The following EIF4G3 variants were observed in gnomAD, a reference collection of about 807,000 sequenced individuals.
EIF4G3 encodes eIF-4-gamma 3.
EIF4G3 carries 34 observed loss-of-function variants against 186.4 expected under a neutral mutation model. The ratio of observed to expected loss-of-function variants is 0.18; its 90% confidence interval spans 0.14 to 0.24. EIF4G3 has a LOEUF of 0.24. Among genes scored for constraint, EIF4G3 ranks in the 10% least tolerant of loss-of-function variants. The pLI is 1.00. For missense variants in EIF4G3, 1,536 were observed against 1,948.5 expected (o/e 0.79, Z 3.99); for synonymous variants, 673 against 679.5 (o/e 0.99, Z 0.15).
chr1:20,994,256 G>A (rs919896049), intron 7 of EIF4G3, among the ~76,000 whole-genome samples: 2 of 152,182 alleles, frequency 1.3e-5, no homozygotes, highest in East Asian at 3.9e-4. Context: ...TCCTGTGGAT[G>A]CAAAATAGCA....
intron 2 of EIF4G3, among the ~76,000 whole-genome samples, chr1:21,106,712 C>T (rs1487049152): frequency 6.6e-6 from 1 of 151,786 alleles, no homozygotes; most frequent in African/African-American, 2.4e-5. Context: ...ATAAAAATAG[C>T]ATTTAATGCC....
At chr1:20,849,838 A>G (rs1270099931) in intron 28 of EIF4G3, among the ~76,000 whole-genome samples, 2 of 152,136 alleles carry the variant, frequency 1.3e-5, no homozygotes, top group East Asian at 3.9e-4. Flanking sequence ...AGGTCTTCAC[A>G]ATCCTGCACA....
intron 4 of EIF4G3, among the ~76,000 whole-genome samples, chr1:21,006,065 G>A (rs763563511): frequency 1.3e-5 from 2 of 152,126 alleles, no homozygotes; most frequent in Non-Finnish European, 2.9e-5. Context: ...TTTGCCAATA[G>A]ATCATTCAAC....
chr1:21,140,243 G>GA (rs746828012), intron 2 of EIF4G3, among the ~76,000 whole-genome samples: 3 of 152,146 alleles, frequency 2.0e-5, no homozygotes, highest in East Asian at 3.9e-4. Context: ...ATAACCTACA[G>GA]AAAAAACAGA....
chr1:21,077,498 A>G (rs942333847), intron 3 of EIF4G3, among the ~76,000 whole-genome samples: 1 of 151,988 alleles, frequency 6.6e-6, no homozygotes, highest in African/African-American at 2.4e-5. Flanking sequence ...AAAGTGCTCA[A>G]TATCACTGAT....
chr1:21,108,543 G>C (rs1000597192), intron 2 of EIF4G3, among the ~76,000 whole-genome samples: 1 of 152,102 alleles, frequency 6.6e-6, no homozygotes, highest in Admixed American at 6.6e-5. Context: ...TTCTGAATAT[G>C]AAGGCTTAAA....
At chr1:21,122,258 C>T (rs1056244024) in intron 2 of EIF4G3, among the ~76,000 whole-genome samples, 2 of 152,140 alleles carry the variant, frequency 1.3e-5, no homozygotes, top group Non-Finnish European at 2.9e-5. Flanking sequence ...ACATTCATAC[C>T]ATGCTTACCC....
intron 4 of EIF4G3, chr1:21,003,766 C>T: frequency 2.2e-6 from 1 of 451,718 alleles, no homozygotes; most frequent in Non-Finnish European, 4.4e-6. Flanking sequence ...ATTTTCCCTG[C>T]TCTCTGATCA....
chr1:21,126,002 G>A (rs1021383621), intron 2 of EIF4G3, among the ~76,000 whole-genome samples: 1 of 151,164 alleles, frequency 6.6e-6, no homozygotes, highest in African/African-American at 2.4e-5. Context: ...CCAGGAGTTT[G>A]AGACCAGCCT....
intron 16 of EIF4G3, among the ~76,000 whole-genome samples, chr1:20,897,129 A>G (rs1349706050): frequency 1.3e-5 from 2 of 152,234 alleles, no homozygotes; most frequent in Non-Finnish European, 2.9e-5. Context: ...ACAATGAAAT[A>G]CAGTCAGAAA....
chr1:20,970,339 C>T (rs1303571573), intron 11 of EIF4G3, among the ~76,000 whole-genome samples: 2 of 152,122 alleles, frequency 1.3e-5, no homozygotes, highest in Admixed American at 6.5e-5. Flanking sequence ...GTCGGCCAGG[C>T]GCGGTGGCTC....
At chr1:21,075,716 CTG>C (rs943350786) in intron 3 of EIF4G3, among the ~76,000 whole-genome samples, 1 of 149,346 alleles carries the variant, frequency 6.7e-6, no homozygotes, top group Non-Finnish European at 1.5e-5. Context: ...AAGTCAAAAA[CTG>C]TAAAACAGAC....
intron 3 of EIF4G3, among the ~76,000 whole-genome samples, chr1:21,052,254 T>A (rs1243285897): frequency 6.6e-6 from 1 of 152,140 alleles, no homozygotes; most frequent in Non-Finnish European, 1.5e-5. Context: ...TACCAATCAA[T>A]CCTAGCCAGC....
At chr1:20,897,414 A>G (rs1572381999) in intron 16 of EIF4G3, among the ~76,000 whole-genome samples, 1 of 136,170 alleles carries the variant, frequency 7.3e-6, no homozygotes, top group African/African-American at 2.6e-5. Flanking sequence ...ATTTTAGAGA[A>G]AAAAAAAAAA....
chr1:20,868,090 C>CTTGTTTTTTTTTTTTTTT, intron 20 of EIF4G3, among the ~76,000 whole-genome samples: 1 of 90,412 alleles, frequency 1.1e-5, no homozygotes, highest in Non-Finnish European at 2.0e-5. Flanking sequence ...TGGTGATTTT[C>CTTGTTTTTTTTTTTTTTT]TTTTTTTTTT....
At chr1:21,091,888 T>C (rs1456030741) in intron 2 of EIF4G3, among the ~76,000 whole-genome samples, 9 of 152,328 alleles carry the variant, frequency 5.9e-5, no homozygotes, top group Middle Eastern at 3.4e-3. Flanking sequence ...TAAGGAGATT[T>C]TGGGCTGAGA....
intron 16 of EIF4G3, among the ~76,000 whole-genome samples, chr1:20,896,971 CTT>C (rs1278267582): frequency 6.6e-6 from 1 of 152,156 alleles, no homozygotes; most frequent in African/African-American, 2.4e-5. Context: ...TGCAAATACT[CTT>C]TTGTTTGCAC....
At chr1:20,813,636 G>A (rs1246138179) in intron 34 of EIF4G3, among the ~76,000 whole-genome samples, 1 of 151,990 alleles carries the variant, frequency 6.6e-6, no homozygotes, top group Non-Finnish European at 1.5e-5. Context: ...GGAGGCTGAA[G>A]AGGATGGATC....
chr1:20,936,350 T>C (rs1043099005), intron 14 of EIF4G3, among the ~76,000 whole-genome samples: 1 of 152,208 alleles, frequency 6.6e-6, no homozygotes, highest in African/African-American at 2.4e-5. Flanking sequence ...CTGAAGCCAA[T>C]GGTCCTTGCT....
Sources: allele counts gnomAD v4.1 joint callset (sites outside exome capture counted in the v4.1 genomes callset), GRCh38; gene constraint gnomAD v4.1.1; transcripts MANE v1.5; gene names NCBI Gene and HGNC (gene_info 2026-07-23, HGNC 2026-07-21).